The following CCT4 variants were observed in gnomAD, a reference collection of about 807,000 sequenced individuals.
CCT4 encodes chaperonin containing TCP1 subunit 4.
CCT4 carries 17 observed loss-of-function variants against 62.5 expected under a neutral mutation model. That is an observed-to-expected ratio of 0.27 (90% CI 0.19 to 0.41). CCT4 has a LOEUF of 0.41. Among genes scored for constraint, CCT4 ranks in the 10% least tolerant of loss-of-function variants. The pLI, the probability that CCT4 is intolerant of heterozygous loss-of-function variation, is 1.00. For missense variants in CCT4, 592 were observed against 659.2 expected (o/e 0.90, Z 1.12); for synonymous variants, 250 against 229.9 (o/e 1.09, Z -0.79).
In CCT4 at chr2:61,880,333, A is replaced by G. The variant is rs771905581; in HGVS notation, c.332T>C (p.Ile111Thr). The change falls in exon 4 of 14, where the codon ATC (isoleucine) becomes ACC (threonine). Residue 111 changes from isoleucine (I) to threonine (T), a missense_variant. Physicochemically the swap from Ile to Thr is moderately conservative, Grantham distance 89. Coordinates refer to ENST00000394440, the MANE Select transcript of CCT4 (RefSeq NM_006430.4). The part of the protein sequence containing the change: ...EAGDGTTSVV[I>T]IAGSLLDSCT... ...AGAATCTAAGAGGGAGCCAGCAATG[A>G]TGACTACTGATGTGGTGCCATCTCC... 2 of 1,607,046 alleles carry G rather than the reference A, an allele frequency of 1.2e-6. No individual in the cohort carries two copies. Among genetic ancestry groups the G allele is most frequent in the Non-Finnish European group, 1.7e-6 (2 of 1,177,872 alleles).
chr2:61,869,696 T>G, intron 12 of CCT4, 143 bp from the exon 13 acceptor site: 1 of 591,622 alleles, frequency 1.7e-6, no homozygotes, highest in Non-Finnish European at 3.1e-6. Flanking sequence ...TACTAAGCTT[T>G]TCTCTACACT....
chr2:61,886,944 A>C (rs1669267287), intron 1 of CCT4, among the ~76,000 whole-genome samples: 1 of 152,112 alleles, frequency 6.6e-6, no homozygotes, highest in South Asian at 2.1e-4. Context: ...TTTTTAGTAG[A>C]GACGGGGTTT....
intron 1 of CCT4, among the ~76,000 whole-genome samples, chr2:61,887,700 T>G (rs764443153): frequency 1.3e-5 from 2 of 152,226 alleles, no homozygotes; most frequent in South Asian, 4.1e-4. Context: ...CACTAAGACA[T>G]GAAGTAACGG....
At chr2:61,881,248 C>G (rs1476037549) in intron 3 of CCT4, among the ~76,000 whole-genome samples, 1 of 151,868 alleles carries the variant, frequency 6.6e-6, no homozygotes, top group African/African-American at 2.4e-5. Context: ...GCTTATTTTC[C>G]TATAATAATC....
rs778602349 is a variant in CCT4, at chr2:61,885,078, G to A, written c.128-6C>T. On this transcript the variant is annotated splice_region_variant and splice_polypyrimidine_tract_variant and intron_variant, in intron 1 of 13. Coordinates refer to ENST00000394440, the MANE Select transcript of CCT4 (RefSeq NM_006430.4). ...TCTAATAGCATCAGCAACCGCTGCA[G>A]ATGGGGGGGAAAAAAAAGAAAACAA... 2.7e-6 allele frequency: 4 copies of A among 1,474,644 alleles called. No homozygotes were observed. The highest frequency in any genetic ancestry group is 1.3e-5 in the South Asian group (1 of 76,778). 91.3% of individuals were successfully genotyped at this position (1,474,644 alleles called of 1,614,324 possible).
At chr2:61,870,742 A>C (rs969829404) in intron 12 of CCT4, among the ~76,000 whole-genome samples, 1 of 152,022 alleles carries the variant, frequency 6.6e-6, no homozygotes, top group Admixed American at 6.6e-5. Context: ...AACACAGTGA[A>C]ACACCATATC....
chr2:61,869,143 GAAAAAAAAAAAAAA>G (rs33947847), intron 13 of CCT4, among the ~76,000 whole-genome samples: 2 of 70,722 alleles, frequency 2.8e-5, no homozygotes, highest in Non-Finnish European at 5.2e-5. Flanking sequence ...CTTCGTCTCA[GAAAAAAAAAAAAAA>G]AAAAAAAAGT....
At chr2:61,871,279 C>G (rs1227391378) in intron 12 of CCT4, among the ~76,000 whole-genome samples, 2 of 152,042 alleles carry the variant, frequency 1.3e-5, no homozygotes, top group Non-Finnish European at 2.9e-5. Flanking sequence ...CTCAGGTGAT[C>G]TGCCCACCTC....
chr2:61,880,414 C>A lies in CCT4; in HGVS notation c.271-20G>T. 7.3e-7 allele frequency: 1 copy of A among 1,374,284 alleles called. No homozygotes were observed. Among genetic ancestry groups the A allele is most frequent in the Non-Finnish European group, 1.0e-6 (1 of 975,086 alleles). The allele number at this position is 1,374,284 out of a possible 1,614,324, so 85.1% of individuals were successfully genotyped here. On this transcript the variant is annotated intron_variant, in intron 3 of 13. Transcript: ENST00000394440. ...CACCAGCTAAGTGAACAGAAAATGCCAAGTTGCTCAATGAGAAATGACAGA... is the reference window on the plus strand; with the variant it reads ...CACCAGCTAAGTGAACAGAAAATGCAAAGTTGCTCAATGAGAAATGACAGA...
At position 61,877,173 on chromosome 2, in the gene CCT4, T is replaced by C. The variant is rs142804657; in HGVS notation, c.645-121A>G. 9.0e-5 allele frequency: 88 copies of C among 977,790 alleles called. No homozygotes were observed. In the East Asian group the frequency reaches 1.7e-3, roughly 19 times the overall value. The allele number at this position is 977,790 out of a possible 1,614,324, so 60.6% of individuals were successfully genotyped here. A position where few individuals can be genotyped will look rare whatever the true frequency, so the allele number is the denominator to read the frequency against. On this transcript the variant is annotated intron_variant, in intron 6 of 13. Transcript: ENST00000394440. ...ATATGATTCAGCCTCACATTTATTA[T>C]TGCCCCACTCCTGGATCTCTTTGAT...
At chr2:61,886,005 T>C (rs776252098) in intron 1 of CCT4, 5 of 152,196 alleles carry the variant, frequency 3.3e-5, no homozygotes, top group Non-Finnish European at 5.9e-5. Context: ...ATGTAATCTC[T>C]GAGAGCAAAG....
Position 61,872,554 on chromosome 2 carries a change from G to C in CCT4, c.1160C>G (p.Thr387Arg). 1.9e-6 allele frequency: 3 copies of C among 1,613,864 alleles called. No individual in the cohort carries two copies. Among genetic ancestry groups the C allele is most frequent in the Non-Finnish European group, 2.5e-6 (3 of 1,179,754 alleles). ...TGCASPGKTVTIVVRGSNKLV... is the reference protein window; with the variant it reads ...TGCASPGKTVRIVVRGSNKLV... The stretch of plus-strand genomic sequence containing the variant: ...TTTGTTAGAACCACGAACAACAATT[G>C]TAACTGTTTTTCCAGGGCTGGCACA... The change falls in exon 11 of 14, where the codon ACA (threonine) becomes AGA (arginine). Residue 387 changes from threonine (T) to arginine (R), a missense_variant. Thr to Arg is a moderately conservative substitution (Grantham distance 71). Transcript: ENST00000394440.
chr2:61,876,746 A>C (rs78927106), intron 7 of CCT4, among the ~76,000 whole-genome samples, 174 bp downstream of exon 7: 549 of 152,306 alleles, frequency 3.6e-3, no homozygotes, highest in African/African-American at 0.013. Context: ...ATCCCAACTG[A>C]GGATACAGAC....
chr2:61,886,526 C>T (rs1669254159), intron 1 of CCT4, among the ~76,000 whole-genome samples: 1 of 152,058 alleles, frequency 6.6e-6, no homozygotes, highest in Admixed American at 6.6e-5. Flanking sequence ...TGCGGTGGCT[C>T]ACGCCTGTAA....
chr2:61,878,734 C>G, intron 5 of CCT4, 135 bp downstream of exon 5: 1 of 515,490 alleles, frequency 1.9e-6, no homozygotes, highest in Non-Finnish European at 3.3e-6. Flanking sequence ...AATCTTAAAC[C>G]AATTCAATTA....
In CCT4 at chr2:61,883,545, G is replaced by C. The variant is rs754001181; in HGVS notation, c.184C>G (p.Gln62Glu). The stretch of plus-strand genomic sequence containing the variant: ...ATGGTTACATCACCTTTTCCATCTT[G>C]AATCTAGAAAAAAAATTTTAAAGTT... ...LGPKGMDKMIQDGKGDVTITN... is the reference protein window; with the variant it reads ...LGPKGMDKMIEDGKGDVTITN... Residue 62 changes from glutamine (Q) to glutamate (E), a missense_variant, in exon 3 of 14, where the codon CAA becomes GAA. By Grantham distance (29) the Gln-to-Glu change is conservative. Transcript: ENST00000394440. 3.2e-6 allele frequency: 5 copies of C among 1,549,994 alleles called. No individual in the cohort carries two copies. Among genetic ancestry groups the C allele is most frequent in the Non-Finnish European group, 4.4e-6 (5 of 1,140,114 alleles).
intron 1 of CCT4, among the ~76,000 whole-genome samples, chr2:61,886,652 C>T (rs1387936049): frequency 6.6e-6 from 1 of 152,208 alleles, no homozygotes; most frequent in Non-Finnish European, 1.5e-5. Flanking sequence ...GCACACCCTC[C>T]TCTGTTGTTT....
chr2:61,885,269 A>G (rs1669225875), intron 1 of CCT4, among the ~76,000 whole-genome samples, 197 bp from the exon 2 acceptor site: 1 of 152,064 alleles, frequency 6.6e-6, no homozygotes, highest in Non-Finnish European at 1.5e-5. Context: ...TCAAATGATC[A>G]TTGTGTTCTT....
Position 61,873,111 on chromosome 2 carries a change from G to A in CCT4, c.1016C>T (p.Thr339Ile), listed in dbSNP as rs1020690054. The A allele has an allele frequency of 6.3e-7, 1 of 1,596,294 alleles. No homozygotes were observed. The highest frequency in any genetic ancestry group is 8.6e-7 in the Non-Finnish European group (1 of 1,163,842). ...EREDIEFICKTIGTKPVAHID... is the reference protein window; with the variant it reads ...EREDIEFICKIIGTKPVAHID... ...ATGAGCAACTGGCTTGGTTCCAATT[G>A]TCTGGAAAAAACAGTCAAATCCACA... The change falls in exon 10 of 14, where the codon ACA becomes ATA. Residue 339 changes from threonine to isoleucine, a missense_variant and splice_region_variant. Physicochemically the swap from Thr to Ile is moderately conservative, Grantham distance 89. Coordinates refer to ENST00000394440, the MANE Select transcript of CCT4 (RefSeq NM_006430.4).
Sources: allele counts gnomAD v4.1 joint callset (sites outside exome capture counted in the v4.1 genomes callset), GRCh38; gene constraint gnomAD v4.1.1; transcripts MANE v1.5; gene names NCBI Gene and HGNC (gene_info 2026-07-23, HGNC 2026-07-21).